The following LRRC4C variants were observed in gnomAD, a reference collection of about 807,000 sequenced individuals.
LRRC4C encodes the protein leucine rich repeat containing 4C.
A neutral mutation model predicts 33.6 loss-of-function variants in LRRC4C; 5 were observed. The ratio of observed to expected loss-of-function variants is 0.15; its 90% CI spans 0.08 to 0.31. The LOEUF (loss-of-function observed/expected upper bound fraction) is 0.31. LRRC4C is among the 10% of genes least tolerant of loss of function. The pLI is 1.00. For missense variants in LRRC4C, 560 were observed against 796.7 expected, an observed-to-expected ratio of 0.70 and a Z score of 3.58; for synonymous variants, 329 against 302.0, an observed-to-expected ratio of 1.09 and a Z score of -0.93.
At chr11:40,340,865 G>C (rs187052795) in intron 3 of LRRC4C, among the ~76,000 whole-genome samples, 1 of 152,226 alleles carries the variant, frequency 6.6e-6, no homozygotes, top group East Asian at 1.9e-4. Flanking sequence ...TTAAATGACA[G>C]AAGCCAAAAA....
chr11:40,909,883 A>T (rs1278474816), intron 2 of LRRC4C, among the ~76,000 whole-genome samples: 1 of 152,208 alleles, frequency 6.6e-6, no homozygotes, highest in South Asian at 2.1e-4. Context: ...CAACGCTTGA[A>T]TATGACAAGC....
intron 6 of LRRC4C, among the ~76,000 whole-genome samples, chr11:40,122,982 CACACAT>C (rs869175585): frequency 0.022 from 2,850 of 127,666 alleles, 76 homozygotes; most frequent in East Asian, 0.065. Flanking sequence ...CACACACACA[CACACAT>C]ATATACTATT....
At chr11:40,372,481 T>C (rs1055167903) in intron 3 of LRRC4C, among the ~76,000 whole-genome samples, 1 of 152,234 alleles carries the variant, frequency 6.6e-6, no homozygotes, top group African/African-American at 2.4e-5. Flanking sequence ...AGGTTGAACC[T>C]ATTCAGATAA....
chr11:40,530,122 A>G (rs1406425808), intron 3 of LRRC4C, among the ~76,000 whole-genome samples: 1 of 152,124 alleles, frequency 6.6e-6, no homozygotes. Context: ...GAGAGTAGGC[A>G]TATTAAAAAA....
chr11:40,581,084 G>A (rs1271752835), intron 3 of LRRC4C, among the ~76,000 whole-genome samples: 1 of 152,036 alleles, frequency 6.6e-6, no homozygotes, highest in Admixed American at 6.5e-5. Context: ...TTATTCCTTT[G>A]ACTGCTTTTC....
intron 4 of LRRC4C, among the ~76,000 whole-genome samples, chr11:40,294,991 T>C (rs1324720867): frequency 6.6e-6 from 1 of 152,144 alleles, no homozygotes; most frequent in Non-Finnish European, 1.5e-5. Context: ...GCCTATGCAG[T>C]GTTGCAGTAA....
chr11:40,800,058 C>T (rs1950981767), intron 2 of LRRC4C, among the ~76,000 whole-genome samples: 1 of 152,088 alleles, frequency 6.6e-6, no homozygotes, highest in South Asian at 2.1e-4. Context: ...TGTTTTAGTA[C>T]AGATATTGAA....
intron 3 of LRRC4C, among the ~76,000 whole-genome samples, chr11:40,341,024 AC>A (rs1414302849): frequency 6.6e-6 from 1 of 152,140 alleles, no homozygotes; most frequent in Non-Finnish European, 1.5e-5. Flanking sequence ...TAAATCTTGG[AC>A]TTGCCAAGGC....
chr11:40,844,244 A>AAT (rs200589929), intron 2 of LRRC4C, among the ~76,000 whole-genome samples: 15,579 of 152,104 alleles, frequency 0.1, 847 homozygotes, highest in South Asian at 0.16. Flanking sequence ...ATAATAAAAA[A>AAT]AAAAAATACA....
chr11:41,216,430 G>C (rs1467537259), intron 1 of LRRC4C, among the ~76,000 whole-genome samples: 2 of 149,222 alleles, frequency 1.3e-5, no homozygotes, highest in African/African-American at 4.9e-5. Flanking sequence ...GGATAAAAAT[G>C]ACATTTTTCT....
chr11:40,737,435 G>C (rs906094359), intron 2 of LRRC4C, among the ~76,000 whole-genome samples: 1 of 152,120 alleles, frequency 6.6e-6, no homozygotes, highest in African/African-American at 2.4e-5. Flanking sequence ...GATTGTCTCT[G>C]TTTGCAGATG....
At chr11:40,131,561 A>C (rs1272288480) in intron 6 of LRRC4C, among the ~76,000 whole-genome samples, 1 of 152,200 alleles carries the variant, frequency 6.6e-6, no homozygotes, top group African/African-American at 2.4e-5. Context: ...TACACAACTA[A>C]GCAGACACTA....
At chr11:41,181,691 T>C (rs1335575972) in intron 1 of LRRC4C, among the ~76,000 whole-genome samples, 1 of 152,222 alleles carries the variant, frequency 6.6e-6, no homozygotes, top group Non-Finnish European at 1.5e-5. Context: ...CAGCTCAGTT[T>C]GAGCCTTGAC....
intron 1 of LRRC4C, among the ~76,000 whole-genome samples, chr11:40,965,872 G>A (rs1246790838): frequency 1.3e-5 from 2 of 152,006 alleles, no homozygotes; most frequent in Admixed American, 6.6e-5. Flanking sequence ...GGTTCCATAT[G>A]AATTTTAAAG....
intron 2 of LRRC4C, among the ~76,000 whole-genome samples, chr11:40,704,638 T>C (rs1946055225): frequency 6.6e-6 from 1 of 152,164 alleles, no homozygotes; most frequent in South Asian, 2.1e-4. Context: ...TCTCCGGACC[T>C]CAGTTTCCTC....
chr11:40,328,923 A>G (rs1946221596), intron 3 of LRRC4C, among the ~76,000 whole-genome samples: 1 of 152,284 alleles, frequency 6.6e-6, no homozygotes, highest in East Asian at 1.9e-4. Context: ...AATATATTAA[A>G]TAGCTTCTTT....
At chr11:40,613,220 T>C (rs1961413071) in intron 3 of LRRC4C, among the ~76,000 whole-genome samples, 1 of 151,916 alleles carries the variant, frequency 6.6e-6, no homozygotes. Flanking sequence ...TGTTGTTTGA[T>C]AATACTTTGC....
At chr11:40,196,838 A>G (rs1254793860) in intron 5 of LRRC4C, among the ~76,000 whole-genome samples, 5 of 152,230 alleles carry the variant, frequency 3.3e-5, no homozygotes, top group Non-Finnish European at 5.9e-5. Flanking sequence ...TCTTTGAAGC[A>G]TAATTATAGC....
chr11:40,271,241 C>A lies in LRRC4C; in HGVS notation c.-175-29643G>T, dbSNP rs138805522. ...AGCAGACTATAAGCCCTCAGCCCCTCCTAAATGAAAAGTCTACAGTTTCTT... is the reference window on the plus strand; with the variant it reads ...AGCAGACTATAAGCCCTCAGCCCCTACTAAATGAAAAGTCTACAGTTTCTT... On this transcript the variant is annotated intron_variant, in intron 4 of 6. Transcript: ENST00000528697. 1.6e-3 allele frequency among the ~76,000 whole-genome samples: 239 copies of A among 152,242 alleles called. 2 individuals carry two copies. Among genetic ancestry groups the A allele is most frequent in the African/African-American group, 5.3e-3 (222 of 41,556 alleles).
Sources: allele counts gnomAD v4.1 joint callset (sites outside exome capture counted in the v4.1 genomes callset), GRCh38; gene constraint gnomAD v4.1.1; transcripts MANE v1.5; gene names NCBI Gene and HGNC (gene_info 2026-07-23, HGNC 2026-07-21).